The following MYH6 variants were observed in gnomAD, a reference collection of about 807,000 sequenced individuals.
The protein encoded by MYH6 is myosin-6.
In MYH6, 126 loss-of-function variants were observed where a neutral mutation model predicts 223.2. The observed-to-expected ratio is 0.56, with a 90% CI of 0.49 to 0.65. The LOEUF is 0.65. Ranked by LOEUF, MYH6 falls within the 30% of genes least tolerant of loss-of-function variation. The pLI, the probability that MYH6 is intolerant of heterozygous loss-of-function variation, is 0.00. For missense variants in MYH6, 2,040 were observed against 2,536.4 expected, an observed-to-expected ratio of 0.80 and a Z score of 4.20; for synonymous variants, 978 against 1,010.2, an observed-to-expected ratio of 0.97 and a Z score of 0.61.
intron 15 of MYH6, among the ~76,000 whole-genome samples, chr14:23,397,932 C>CTCCTCTTCTTCTTCTTCTTCTTCTTTT (rs1891452078): frequency 1.1e-5 from 1 of 90,142 alleles, no homozygotes; most frequent in Admixed American, 1.2e-4. Flanking sequence ...CCTCCTCCTC[C>CTCCTCTTCTTCTTCTTCTTCTTCTTTT]TCTTCTTCTT....
At chr14:23,384,195 A>G (rs1890946139) in intron 36 of MYH6, among the ~76,000 whole-genome samples, 1 of 151,908 alleles carries the variant, frequency 6.6e-6, no homozygotes, top group Non-Finnish European at 1.5e-5. Context: ...TTATTAAAAA[A>G]AAAAAAAAAG....
Position 23,405,063 on chromosome 14 carries a change from G to T in MYH6, c.530+37C>A. The T allele has an allele frequency of 1.2e-6, 2 of 1,613,974 alleles. No homozygotes were observed. Among genetic ancestry groups the T allele is most frequent in the Admixed American group, 1.7e-5 (1 of 60,028 alleles). On this transcript the variant is annotated intron_variant, in intron 6 of 38. Coordinates refer to ENST00000405093, the MANE Select transcript of MYH6 (RefSeq NM_002471.4). The surrounding 1 kb of genome is among the most constrained non-coding windows in gnomAD (Gnocchi z 4.7). ...CTAGGCATCAGCGTGTATGCCCCCAGCCCAGTCCCTTCTGTGGGAGGATGG... is the reference window on the plus strand; with the variant it reads ...CTAGGCATCAGCGTGTATGCCCCCATCCCAGTCCCTTCTGTGGGAGGATGG...
intron 38 of MYH6, 128 bp downstream of exon 38, chr14:23,382,300 G>A: frequency 7.0e-7 from 1 of 1,419,666 alleles, no homozygotes; most frequent in Non-Finnish European, 9.8e-7. Flanking sequence ...GGATTCTCAG[G>A]TTATGTAAGC....
At chr14:23,408,171 C>G (rs76415592) in intron 1 of MYH6, 82 bp downstream of exon 1, 8 of 941,566 alleles carry the variant, frequency 8.5e-6, no homozygotes, top group East Asian at 1.2e-4. Context: ...TGACCTGCAC[C>G]CCACTCCTGG....
Position 23,407,751 on chromosome 14 carries a change from G to T in MYH6, c.-46-143C>A. 2.5e-6 allele frequency: 1 copy of T among 396,614 alleles called. No individual in the cohort carries two copies. Among genetic ancestry groups the T allele is most frequent in the Non-Finnish European group, 3.6e-6 (1 of 281,204 alleles). 24.6% of individuals were successfully genotyped at this position (396,614 alleles called of 1,614,324 possible). ...GCAGACAGGCAGGACAGACCAGGGAGTCAGAAAGGGAAAGACGCAGAGGCA... is the reference window on the plus strand; with the variant it reads ...GCAGACAGGCAGGACAGACCAGGGATTCAGAAAGGGAAAGACGCAGAGGCA... On this transcript the variant is annotated intron_variant, in intron 1 of 38. Transcript: ENST00000405093. The surrounding 1 kb of genome is among the most constrained non-coding windows in gnomAD (Gnocchi z 5.6).
Position 23,405,525 on chromosome 14 carries a change from G to T in MYH6, c.345+102C>A. 6.3e-7 allele frequency: 1 copy of T among 1,598,360 alleles called. No individual in the cohort carries two copies. On this transcript the variant is annotated intron_variant, in intron 4 of 38. Transcript: ENST00000405093. The surrounding 1 kb of genome is among the most constrained non-coding windows in gnomAD (Gnocchi z 4.7). ...GGGTGGAGGGGGGAAGGGGACTTGG[G>T]TCCCTTGGGAGTCTCTCCCCCTCTT...
intron 38 of MYH6, 123 bp downstream of exon 38, chr14:23,382,305 G>A (rs545119981): frequency 6.9e-6 from 10 of 1,450,928 alleles, no homozygotes; most frequent in Non-Finnish European, 9.6e-6. Context: ...CTCAGGTTAT[G>A]TAAGCTATGG....
At chr14:23,382,372 T>C (rs1890886648) in intron 38 of MYH6, 56 bp downstream of exon 38, 2 of 1,611,244 alleles carry the variant, frequency 1.2e-6, no homozygotes, top group African/African-American at 1.3e-5. Context: ...AGGGCACCCA[T>C]ATCAGGGGGC....
chr14:23,382,581 G>T lies in MYH6; in HGVS notation c.5662-19C>A. 1 of 1,614,190 alleles carries T rather than the reference G, an allele frequency of 6.2e-7. No homozygotes were observed. The highest frequency in any genetic ancestry group is 2.2e-5 in the East Asian group (1 of 44,890). On this transcript the variant is annotated intron_variant, in intron 37 of 38. Transcript: ENST00000405093. ...GCTCCTCCTGTGGTGGGACAGTGGGGATGGGTGAATGAGCTGGAGATGGGC... is the reference window on the plus strand; with the variant it reads ...GCTCCTCCTGTGGTGGGACAGTGGGTATGGGTGAATGAGCTGGAGATGGGC...
chr14:23,389,186 T>C, intron 28 of MYH6, 131 bp from the exon 29 acceptor site: 1 of 1,236,032 alleles, frequency 8.1e-7, no homozygotes, highest in Non-Finnish European at 1.1e-6. Flanking sequence ...CACCTCACTG[T>C]TTGAGGAGTT....
chr14:23,397,230 G>A lies in MYH6; in HGVS notation c.1990C>T (p.Leu664=). The A allele has an allele frequency of 1.2e-6, 2 of 1,614,216 alleles. No homozygotes were observed. The highest frequency in any genetic ancestry group is 1.1e-5 in the South Asian group (1 of 91,084). The change falls in exon 17 of 39, where the codon CTG becomes TTG. Residue 664 remains leucine (L), a synonymous_variant. Coordinates refer to ENST00000405093, the MANE Select transcript of MYH6 (RefSeq NM_002471.4). The stretch of plus-strand genomic sequence containing the variant: ...ACAAAGTGAGGATGGGTGGTCCTCA[G>A]GTTGGTCATTAGCTTGTTGAGATTT... ...RENLNKLMTN[L]RTTHPHFVRC...
At chr14:23,406,298 T>C (rs537419244) in intron 3 of MYH6, among the ~76,000 whole-genome samples, 28 of 152,332 alleles carry the variant, frequency 1.8e-4, no homozygotes, top group African/African-American at 6.5e-4. Context: ...CATTAGATCC[T>C]GCCAGTAGGT....
intron 30 of MYH6, 26 bp downstream of exon 30, chr14:23,388,129 G>T: frequency 6.2e-7 from 1 of 1,612,182 alleles, no homozygotes; most frequent in Non-Finnish European, 8.5e-7. Flanking sequence ...CCTGCATGCT[G>T]GCTGCGGCCC....
rs2138615133 is a variant in MYH6, at chr14:23,402,526, T to C, written c.1079A>G (p.Tyr360Cys). ...CTTCTGCTTGAACTTCATGTTCCCG[T>C]AGTGCATGATGGCTCCCGTCAGCTT... is the stretch of plus-strand genomic sequence containing the variant. ...VYKLTGAIMH[Y>C]GNMKFKQKQR... The change falls in exon 12 of 39, where the codon TAC becomes TGC. Residue 360 changes from tyrosine (Y) to cysteine (C), a missense_variant. Physicochemically the swap from Tyr to Cys is radical, Grantham distance 194. This residue lies in a region of MYH6 where 649 missense variants were observed against 877.3 expected (regional missense o/e 0.74). Coordinates refer to ENST00000405093, the MANE Select transcript of MYH6 (RefSeq NM_002471.4). 6.2e-7 allele frequency: 1 copy of C among 1,613,736 alleles called. No individual in the cohort carries two copies. Among genetic ancestry groups the C allele is most frequent in the South Asian group, 1.1e-5 (1 of 91,060 alleles).
At chr14:23,390,737 G>A (rs1007220729) in intron 25 of MYH6, among the ~76,000 whole-genome samples, 6 of 152,178 alleles carry the variant, frequency 3.9e-5, no homozygotes, top group Admixed American at 1.3e-4. Flanking sequence ...CCCAGTGTGA[G>A]CATCTGCAGC....
chr14:23,386,061 T>C lies in MYH6; in HGVS notation c.5030A>G (p.Glu1677Gly). 6.2e-7 allele frequency: 1 copy of C among 1,614,182 alleles called. No homozygotes were observed. Among genetic ancestry groups the C allele is most frequent in the South Asian group, 1.1e-5 (1 of 91,080 alleles). The change falls in exon 34 of 39, where the codon GAG becomes GGG. Residue 1677 changes from glutamate (E) to glycine (G), a missense_variant. Physicochemically the swap from Glu to Gly is moderately conservative, Grantham distance 98. This residue lies in a region of MYH6 where 1,203 missense variants were observed against 1,400.2 expected (regional missense o/e 0.86). Coordinates refer to ENST00000405093, the MANE Select transcript of MYH6 (RefSeq NM_002471.4). ...DDLKENIAIVERRNNLLQAEL... is the reference protein window; with the variant it reads ...DDLKENIAIVGRRNNLLQAEL... ...AGCCTGCAGCAGGTTGTTGCGCCGCTCCACGATGGCGATGTTCTCCTTCAG... is the reference window on the plus strand; with the variant it reads ...AGCCTGCAGCAGGTTGTTGCGCCGCCCCACGATGGCGATGTTCTCCTTCAG...
Position 23,389,099 on chromosome 14 carries a change from T to G in MYH6, c.3979-44A>C, listed in dbSNP as rs549112337. 159 of 1,552,342 alleles carry G rather than the reference T, an allele frequency of 1.0e-4. 1 individual carries two copies. In the South Asian group the frequency reaches 1.8e-3, roughly 18 times the overall value. On this transcript the variant is annotated intron_variant, in intron 28 of 38. Transcript: ENST00000405093. ...ACCAGGAGGTGGGAGGGACTCCCTG[T>G]GCCCCATTCTCTAGATTCTCTTCTT...
rs750194178 is a variant in MYH6, at chr14:23,386,152, T to A, written c.4960-21A>T. 38 of 1,613,844 alleles carry A rather than the reference T, an allele frequency of 2.4e-5. No homozygotes were observed. In the East Asian group the frequency reaches 8.5e-4, roughly 36 times the overall value. On this transcript the variant is annotated intron_variant, in intron 33 of 38. Coordinates refer to ENST00000405093, the MANE Select transcript of MYH6 (RefSeq NM_002471.4). The stretch of plus-strand genomic sequence containing the variant: ...GTGTCCTGAGCATCAGGAGAGTGGG[T>A]GTGAGCAGAAGCCAGCCTCGGTGCC...
rs1289881302 is a variant in MYH6, at chr14:23,407,259, A to G, written c.-13-23T>C. 1 of 1,613,304 alleles carries G rather than the reference A, an allele frequency of 6.2e-7. No homozygotes were observed. Among genetic ancestry groups the G allele is most frequent in the Non-Finnish European group, 8.5e-7 (1 of 1,179,652 alleles). On this transcript the variant is annotated intron_variant, in intron 2 of 38. Coordinates refer to ENST00000405093, the MANE Select transcript of MYH6 (RefSeq NM_002471.4). The surrounding 1 kb of genome is among the most constrained non-coding windows in gnomAD (Gnocchi z 5.6). ...CCCCTGGGTCAGAGACAGGAGGGCT[A>G]TGTTACTCCTGAGGGAGCCCAGGCT...
Sources: allele counts gnomAD v4.1 joint callset (sites outside exome capture counted in the v4.1 genomes callset), GRCh38; gene constraint gnomAD v4.1.1; regional missense constraint gnomAD v4.1.1; non-coding constraint Gnocchi (gnomAD v3.1); transcripts MANE v1.5; gene names NCBI Gene and HGNC (gene_info 2026-07-23, HGNC 2026-07-21).